The following MLLT10 variants were observed in gnomAD, a reference collection of about 807,000 sequenced individuals.
MLLT10 encodes protein AF-10.
MLLT10 carries 30 observed loss-of-function variants against 129.1 expected under a neutral mutation model. The observed-to-expected ratio is 0.23, with a 90% CI of 0.17 to 0.32. The LOEUF is 0.32. Among genes scored for constraint, MLLT10 ranks in the 10% least tolerant of loss-of-function variants. The probability of loss-of-function intolerance (pLI) is 1.00; values close to 1 mark genes in which losing one functional copy is unlikely to be tolerated. For missense variants in MLLT10, 1,119 were observed against 1,268.3 expected (o/e 0.88, Z 1.79); for synonymous variants, 490 against 446.4 (o/e 1.10, Z -1.23).
intron 8 of MLLT10, among the ~76,000 whole-genome samples, chr10:21,632,517 G>T (rs995125283): frequency 1.3e-5 from 2 of 152,096 alleles, no homozygotes; most frequent in African/African-American, 4.8e-5. Context: ...GGACATGAAG[G>T]TTTAATTAGA....
intron 14 of MLLT10, among the ~76,000 whole-genome samples, chr10:21,718,749 TCTCA>T (rs1289293397): frequency 6.6e-5 from 10 of 152,264 alleles, no homozygotes; most frequent in African/African-American, 2.4e-4. Context: ...TGAGACGGAG[TCTCA>T]CTCTGTTGCC....
chr10:21,665,368 A>G (rs1236769756), intron 9 of MLLT10, among the ~76,000 whole-genome samples: 4 of 149,512 alleles, frequency 2.7e-5, no homozygotes, highest in Non-Finnish European at 5.9e-5. Context: ...GGCTTACCGC[A>G]ACCTCCGCCT....
chr10:21,535,824 A>G (rs1365583248), intron 2 of MLLT10, among the ~76,000 whole-genome samples: 2 of 152,234 alleles, frequency 1.3e-5, no homozygotes, highest in Non-Finnish European at 2.9e-5. Context: ...GCTAAAGTGC[A>G]TTTTGTAGAG....
In MLLT10 at chr10:21,733,842, GGC is replaced by G; in HGVS notation, c.2572_2573del (p.Ala858SerfsTer22). On this transcript the variant is annotated frameshift_variant, in exon 20 of 23. Transcript: ENST00000307729. LOFTEE classifies it high-confidence loss of function. Reference sequence around the variant, plus strand: ...CCCCACCTCCTGCTGGGCAGAGTCCGGCTCAACAAGGCTCAGGAGTGAGTGGA... The same window carrying G: ...CCCCACCTCCTGCTGGGCAGAGTCCGTCAACAAGGCTCAGGAGTGAGTGGA... ...STPPPAGQSP[A>X]QQGSGVSGVQ... The G allele has an allele frequency of 1.9e-6, 3 of 1,614,086 alleles. No homozygotes were observed. The highest frequency in any genetic ancestry group is 2.5e-6 in the Non-Finnish European group (3 of 1,180,014).
At chr10:21,665,105 C>T (rs1425688520) in intron 9 of MLLT10, among the ~76,000 whole-genome samples, 1 of 151,716 alleles carries the variant, frequency 6.6e-6, no homozygotes, top group Non-Finnish European at 1.5e-5. Flanking sequence ...ATCACCATGC[C>T]TGGCTAATTT....
intron 3 of MLLT10, among the ~76,000 whole-genome samples, chr10:21,556,068 C>T (rs1183718702): frequency 1.3e-5 from 2 of 151,682 alleles, no homozygotes; most frequent in African/African-American, 2.4e-5. Context: ...CTTCGCCTCC[C>T]GGGTTCAGGC....
intron 9 of MLLT10, among the ~76,000 whole-genome samples, chr10:21,652,086 G>A (rs182085040): frequency 3.3e-5 from 5 of 151,544 alleles, no homozygotes; most frequent in East Asian, 1.9e-4. Context: ...CCAATTTTTT[G>A]TATCTTTAGT....
intron 13 of MLLT10, among the ~76,000 whole-genome samples, chr10:21,699,041 A>G (rs1564670276): frequency 6.6e-6 from 1 of 151,948 alleles, no homozygotes; most frequent in Non-Finnish European, 1.5e-5. Context: ...TGCCCAGCTA[A>G]TTTTTGTACT....
rs940651606 is a variant in MLLT10, at chr10:21,742,123, A to G, written c.*140A>G. The stretch of plus-strand genomic sequence containing the variant: ...ACAAAGGATTAATTGCTGCAAGGAC[A>G]TTCTTGTAAGGCTTTGATTAGTTTT... On this transcript the variant is annotated 3_prime_UTR_variant, in exon 23 of 23. Coordinates refer to ENST00000307729, the MANE Select transcript of MLLT10 (RefSeq NM_001195626.3). 8 of 728,804 alleles carry G rather than the reference A, an allele frequency of 1.1e-5. No homozygotes were observed. Among genetic ancestry groups the G allele is most frequent in the East Asian group, 5.4e-5 (2 of 37,114 alleles). The allele number at this position is 728,804 out of a possible 1,614,324, so 45.1% of individuals were successfully genotyped here.
chr10:21,599,109 C>T (rs549673709), intron 5 of MLLT10, among the ~76,000 whole-genome samples: 1 of 150,706 alleles, frequency 6.6e-6, no homozygotes, highest in Non-Finnish European at 1.5e-5. Flanking sequence ...ACCTGGAAAG[C>T]GGAGGTTGCA....
chr10:21,556,920 G>A (rs764402984), intron 3 of MLLT10: 19 of 1,549,916 alleles, frequency 1.2e-5, no homozygotes, highest in Middle Eastern at 1.7e-4. Context: ...GTCATTTGGC[G>A]TTTCAAGAAG....
At chr10:21,603,832 T>TG (rs1378907953) in intron 5 of MLLT10, among the ~76,000 whole-genome samples, 1 of 151,914 alleles carries the variant, frequency 6.6e-6, no homozygotes, top group Non-Finnish European at 1.5e-5. Context: ...TTTTTGTTTT[T>TG]TTTTTTTTAA....
chr10:21,678,455 A>G (rs899942662), intron 11 of MLLT10, among the ~76,000 whole-genome samples: 1 of 152,178 alleles, frequency 6.6e-6, no homozygotes, highest in Non-Finnish European at 1.5e-5. Flanking sequence ...GATGAAAAGT[A>G]TTATTAAGTT....
intron 13 of MLLT10, among the ~76,000 whole-genome samples, chr10:21,693,442 T>C (rs1036478289): frequency 2.6e-5 from 4 of 152,154 alleles, no homozygotes; most frequent in African/African-American, 9.6e-5. Context: ...TTTTCATCAA[T>C]CGTGCTCTTA....
At position 21,553,825 on chromosome 10, in the gene MLLT10, T is replaced by C. The variant is rs1201696372; in HGVS notation, c.240+14913T>C. Among the ~76,000 whole-genome samples the C allele has an allele frequency of 2.0e-5, 3 of 152,044 alleles. No individual in the cohort carries two copies. The East Asian group carries it at 5.8e-4, about 29-fold the overall frequency. ...CCACCATGCCTGGCTAATTTTTGTA[T>C]TTTTAGTAGAGATGAGGTTTCACCA... On this transcript the variant is annotated intron_variant, in intron 3 of 22. Transcript: ENST00000307729.
chr10:21,649,350 T>C (rs1419683547), intron 8 of MLLT10, among the ~76,000 whole-genome samples: 3 of 152,246 alleles, frequency 2.0e-5, no homozygotes, highest in African/African-American at 7.2e-5. Context: ...GTGCCGGGAT[T>C]ACAGGTGTGA....
At chr10:21,555,029 C>T (rs941508648) in intron 3 of MLLT10, among the ~76,000 whole-genome samples, 4 of 151,928 alleles carry the variant, frequency 2.6e-5, no homozygotes, top group Admixed American at 2.0e-4. Flanking sequence ...CCATGTTGGT[C>T]AGGCTGGTCT....
intron 13 of MLLT10, among the ~76,000 whole-genome samples, chr10:21,706,465 G>A (rs1226559347): frequency 6.6e-6 from 1 of 152,216 alleles, no homozygotes; most frequent in African/African-American, 2.4e-5. Flanking sequence ...GAGGGAGCAG[G>A]ATTTGGACTT....
At chr10:21,699,235 CTTT>C (rs779156884) in intron 13 of MLLT10, among the ~76,000 whole-genome samples, 4 of 137,568 alleles carry the variant, frequency 2.9e-5, no homozygotes, top group Non-Finnish European at 1.6e-5. Context: ...TTAATGGTAT[CTTT>C]TTTTTTTTTT....
Sources: gnomAD v4.1 joint callset for allele counts (sites outside exome capture counted in the v4.1 genomes callset) on GRCh38, gnomAD v4.1.1 for gene constraint, MANE v1.5 for transcripts, NCBI Gene and HGNC (gene_info 2026-07-23, HGNC 2026-07-21) for gene names.